STRN3: variants seen among roughly 807,000 people sequenced by gnomAD.
STRN3 encodes striatin-3.
Under a neutral mutation model 95.6 loss-of-function variants are expected in STRN3, and 29 were observed. That is an observed-to-expected ratio of 0.30 (90% CI 0.23 to 0.41). The LOEUF is 0.41. Ranked by LOEUF, STRN3 falls within the 10% of genes least tolerant of loss-of-function variation. The pLI, the probability that STRN3 is intolerant of heterozygous loss-of-function variation, is 1.00. For missense variants in STRN3, 890 were observed against 972.1 expected, an observed-to-expected ratio of 0.92 and a Z score of 1.12; for synonymous variants, 331 against 357.6, an observed-to-expected ratio of 0.93 and a Z score of 0.84.
In STRN3 at chr14:30,995,906, T is replaced by A. The variant is rs187746212; in HGVS notation, c.282+29998A>T. On this transcript the variant is annotated intron_variant, in intron 1 of 17. Coordinates refer to ENST00000357479, the MANE Select transcript of STRN3 (RefSeq NM_001083893.2). The stretch of plus-strand genomic sequence containing the variant: ...AACAGCCCTCGGCTGTCAATCCTCT[T>A]TAGAAATTACCTCCACTAAATTCAG... Among the ~76,000 whole-genome samples the A allele has an allele frequency of 2.0e-5, 3 of 152,284 alleles. No individual in the cohort carries two copies. The East Asian group carries it at 5.8e-4, about 29-fold the overall frequency.
At chr14:31,025,092 T>C (rs1277891127) in intron 1 of STRN3, 1 of 152,176 alleles carries the variant, frequency 6.6e-6, no homozygotes, top group African/African-American at 2.4e-5. Flanking sequence ...TACGTTTCAC[T>C]TCAAGGGAAT....
chr14:30,924,350 C>T (rs1179468606), intron 8 of STRN3, among the ~76,000 whole-genome samples: 11 of 125,022 alleles, frequency 8.8e-5, no homozygotes, highest in Admixed American at 4.2e-4. Context: ...TGCAGTGGCG[C>T]GATCCTGACT....
At chr14:30,962,353 T>A (rs1459962044) in intron 1 of STRN3, among the ~76,000 whole-genome samples, 1 of 152,290 alleles carries the variant, frequency 6.6e-6, no homozygotes, top group South Asian at 2.1e-4. Context: ...TGGTAAGCTA[T>A]TATTGAAGAA....
At chr14:30,952,596 A>C (rs1480123593) in intron 3 of STRN3, among the ~76,000 whole-genome samples, 1 of 151,908 alleles carries the variant, frequency 6.6e-6, no homozygotes, top group Non-Finnish European at 1.5e-5. Context: ...GCTACTTGGG[A>C]GGCTGAGGTG....
intron 8 of STRN3, among the ~76,000 whole-genome samples, chr14:30,921,458 T>G (rs1321217885): frequency 6.6e-6 from 1 of 152,156 alleles, no homozygotes; most frequent in South Asian, 2.1e-4. Flanking sequence ...TATAGCCTGA[T>G]AGCTTCAGTG....
chr14:30,992,403 T>C (rs1881999359), intron 1 of STRN3, among the ~76,000 whole-genome samples: 1 of 146,220 alleles, frequency 6.8e-6, no homozygotes, highest in Non-Finnish European at 1.5e-5. Flanking sequence ...AGACTCTGTC[T>C]CAAAAAAAAA....
intron 12 of STRN3, 133 bp from the exon 13 acceptor site, chr14:30,911,295 CTTTTTTTTT>C (rs11297035): frequency 8.8e-6 from 4 of 452,328 alleles, no homozygotes; most frequent in Non-Finnish European, 1.4e-5. Flanking sequence ...CTGACTGGTA[CTTTTTTTTT>C]TTTTTTTTTT....
chr14:30,908,660 G>A (rs918002971), intron 13 of STRN3, among the ~76,000 whole-genome samples: 3 of 152,102 alleles, frequency 2.0e-5, no homozygotes, highest in South Asian at 2.1e-4. Flanking sequence ...TTTAGTGTGC[G>A]CTTCCATGAT....
intron 1 of STRN3, among the ~76,000 whole-genome samples, chr14:30,968,104 A>C (rs1880625208): frequency 6.6e-6 from 1 of 152,174 alleles, no homozygotes; most frequent in African/African-American, 2.4e-5. Flanking sequence ...ATTTGGACTA[A>C]ACAGGGTCTT....
intron 5 of STRN3, among the ~76,000 whole-genome samples, chr14:30,945,240 TG>T (rs982355604): frequency 1.3e-5 from 2 of 152,198 alleles, no homozygotes; most frequent in Non-Finnish European, 2.9e-5. Context: ...GCAGCTACCT[TG>T]GAAAAGAGTT....
At chr14:30,908,809 A>C (rs1896533857) in intron 13 of STRN3, among the ~76,000 whole-genome samples, 2 of 152,068 alleles carry the variant, frequency 1.3e-5, no homozygotes, top group African/African-American at 4.8e-5. Flanking sequence ...CTCTTCTTAC[A>C]CCAAACAATA....
intron 1 of STRN3, among the ~76,000 whole-genome samples, chr14:30,987,166 G>T (rs910434576): frequency 1.3e-5 from 2 of 152,058 alleles, no homozygotes; most frequent in African/African-American, 4.8e-5. Flanking sequence ...TCCAAAGAAA[G>T]GGCAAGAGTA....
intron 5 of STRN3, among the ~76,000 whole-genome samples, chr14:30,942,509 A>C (rs969909039): frequency 6.6e-6 from 1 of 152,236 alleles, no homozygotes; most frequent in Non-Finnish European, 1.5e-5. Flanking sequence ...TTTCTAGAGG[A>C]GGCCCACAAA....
chr14:30,954,763 C>T (rs1879818516), intron 3 of STRN3, among the ~76,000 whole-genome samples: 1 of 152,120 alleles, frequency 6.6e-6, no homozygotes, highest in African/African-American at 2.4e-5. Context: ...ACTGGGACCA[C>T]CTAGCCAATT....
At chr14:30,983,024 A>T (rs566180411) in intron 1 of STRN3, among the ~76,000 whole-genome samples, 3 of 152,284 alleles carry the variant, frequency 2.0e-5, no homozygotes, top group South Asian at 2.1e-4. Context: ...AAAATTAGAA[A>T]TTTTTTGTCT....
rs932222653 is a variant in STRN3, at chr14:31,025,757, T to C, written c.282+147A>G. 14 of 1,122,916 alleles carry C rather than the reference T, an allele frequency of 1.2e-5. No individual in the cohort carries two copies. The Admixed American group carries it at 3.5e-4, about 28-fold the overall frequency. The allele number at this position is 1,122,916 out of a possible 1,614,324, so 69.6% of individuals were successfully genotyped here. A position where few individuals can be genotyped will look rare whatever the true frequency, so the allele number is the denominator to read the frequency against. ...GGAGGGGGACTCCAGGAAAAGCCGT[T>C]GAGAGGACCATCACAACCTGAGCAG... On this transcript the variant is annotated intron_variant, in intron 1 of 17. Transcript: ENST00000357479.
intron 8 of STRN3, among the ~76,000 whole-genome samples, chr14:30,927,839 C>T (rs543465900): frequency 6.9e-5 from 10 of 145,632 alleles, no homozygotes; most frequent in East Asian, 2.0e-4. Context: ...AGACTGAGGC[C>T]GAAGAATTGC....
In STRN3 at chr14:30,912,110, C is replaced by T. The variant is rs774032309; in HGVS notation, c.1447G>A (p.Val483Ile). 1.5e-5 allele frequency: 24 copies of T among 1,614,034 alleles called. No homozygotes were observed. Among genetic ancestry groups the T allele is most frequent in the Non-Finnish European group, 1.8e-5 (21 of 1,180,004 alleles). The change falls in exon 11 of 18, where the codon GTA becomes ATA. Residue 483 changes from valine to isoleucine, a missense_variant. Physicochemically the swap from Val to Ile is conservative, Grantham distance 29 (BLOSUM62 3). Coordinates refer to ENST00000357479, the MANE Select transcript of STRN3 (RefSeq NM_001083893.2). ...ACAGGATGAAAAGCTAATGCCCGTA[C>T]TCCATCAAAATGGCTACGTAGTGTA... ...KYTLRSHFDGVRALAFHPVEP... is the reference protein window; with the variant it reads ...KYTLRSHFDGIRALAFHPVEP...
chr14:30,975,558 G>T (rs1247939681), intron 1 of STRN3, among the ~76,000 whole-genome samples: 1 of 124,946 alleles, frequency 8.0e-6, no homozygotes, highest in Non-Finnish European at 1.7e-5. Context: ...AAAAAAAAAA[G>T]AAGAAGAAAG....
Sources: gnomAD v4.1 joint callset for allele counts (sites outside exome capture counted in the v4.1 genomes callset) on GRCh38, gnomAD v4.1.1 for gene constraint, MANE v1.5 for transcripts, NCBI Gene and HGNC (gene_info 2026-07-23, HGNC 2026-07-21) for gene names.